The following SPOCK3 variants were observed in gnomAD, a reference collection of about 807,000 sequenced individuals.
SPOCK3 encodes testican-3.
In SPOCK3, 30 loss-of-function variants were observed where a neutral mutation model predicts 56.6. The ratio of observed to expected loss-of-function variants is 0.53; its 90% CI spans 0.40 to 0.72. SPOCK3 has a LOEUF of 0.72. Among genes scored for constraint, SPOCK3 ranks in the 30% least tolerant of loss-of-function variants. The probability of loss-of-function intolerance (pLI) is 0.00; values close to 1 mark genes in which losing one functional copy is unlikely to be tolerated. For synonymous variants in SPOCK3, 196 were observed against 183.3 expected, an observed-to-expected ratio of 1.07 and a Z score of -0.56; for missense variants, 527 against 530.0, an observed-to-expected ratio of 0.99 and a Z score of 0.06.
At chr4:166,738,169 C>A (rs1734413647) in intron 9 of SPOCK3, among the ~76,000 whole-genome samples, 1 of 152,006 alleles carries the variant, frequency 6.6e-6, no homozygotes, top group Admixed American at 6.6e-5. Flanking sequence ...TAAATGTGAC[C>A]CACAATTTAA....
At chr4:167,057,352 T>C (rs1334318175) in intron 3 of SPOCK3, among the ~76,000 whole-genome samples, 12 of 152,130 alleles carry the variant, frequency 7.9e-5, no homozygotes, top group Non-Finnish European at 5.9e-5. Flanking sequence ...GTAAAGACCA[T>C]CGAGGCTAGG....
At chr4:166,785,138 GT>G (rs1740598277) in intron 7 of SPOCK3, among the ~76,000 whole-genome samples, 1 of 152,008 alleles carries the variant, frequency 6.6e-6, no homozygotes, top group African/African-American at 2.4e-5. Context: ...AGGCTAAATA[GT>G]TGCATTTCCT....
At chr4:166,892,269 T>C (rs1427305481) in intron 5 of SPOCK3, among the ~76,000 whole-genome samples, 1 of 151,950 alleles carries the variant, frequency 6.6e-6, no homozygotes, top group Admixed American at 6.6e-5. Flanking sequence ...GATAAAATTA[T>C]AGCTTTGCAA....
intron 6 of SPOCK3, among the ~76,000 whole-genome samples, chr4:166,813,035 A>G (rs986748529): frequency 6.6e-6 from 1 of 152,078 alleles, no homozygotes; most frequent in African/African-American, 2.4e-5. Context: ...CACAAATACT[A>G]TAGTTATCAT....
intron 6 of SPOCK3, among the ~76,000 whole-genome samples, chr4:166,864,457 A>G (rs1256231223): frequency 6.6e-6 from 1 of 152,206 alleles, no homozygotes; most frequent in Non-Finnish European, 1.5e-5. Flanking sequence ...GGAGATAGAG[A>G]CACGAAAAAC....
In SPOCK3 at chr4:166,733,456, C is replaced by G. The variant is rs72695587; in HGVS notation, c.*1465G>C. On this transcript the variant is annotated 3_prime_UTR_variant, in exon 11 of 11. Transcript: ENST00000357545. Reference sequence around the variant, plus strand: ...AAAGAAAATGCATTATACTTTATTACGTAAAGTCAACATTAAATTTTGTAT... The same window carrying G: ...AAAGAAAATGCATTATACTTTATTAGGTAAAGTCAACATTAAATTTTGTAT... The G allele has an allele frequency of 6.6e-6, 1 of 151,592 alleles. No homozygotes were observed. Among genetic ancestry groups the G allele is most frequent in the African/African-American group, 2.4e-5 (1 of 41,340 alleles). The allele number at this position is 151,592 out of a possible 1,614,324, so 9.4% of individuals were successfully genotyped here. A position where few individuals can be genotyped will look rare whatever the true frequency, so the allele number is the denominator to read the frequency against.
intron 4 of SPOCK3, among the ~76,000 whole-genome samples, chr4:166,940,973 C>T (rs997637469): frequency 2.0e-5 from 3 of 151,170 alleles, no homozygotes; most frequent in Non-Finnish European, 4.4e-5. Context: ...GTCTATTCTG[C>T]ACCTAATTTT....
chr4:167,231,528 G>A (rs768628169), intron 2 of SPOCK3, among the ~76,000 whole-genome samples: 2 of 152,062 alleles, frequency 1.3e-5, no homozygotes, highest in South Asian at 4.1e-4. Context: ...GAATGCTCAT[G>A]CAGAACATTT....
chr4:166,789,597 A>C (rs1741118848), intron 7 of SPOCK3, among the ~76,000 whole-genome samples: 1 of 152,208 alleles, frequency 6.6e-6, no homozygotes, highest in Non-Finnish European at 1.5e-5. Context: ...TATTAAACAA[A>C]TGTGATAAAA....
intron 9 of SPOCK3, 59 bp downstream of exon 9, chr4:166,741,938 T>C: frequency 8.6e-7 from 1 of 1,164,990 alleles, no homozygotes; most frequent in Non-Finnish European, 1.3e-6. Context: ...TATGTTGCTG[T>C]TTCCCTGGGG....
At position 167,106,710 on chromosome 4, in the gene SPOCK3, G is replaced by GT. The variant is rs34725928; in HGVS notation, c.190-44174dup. ...CAAAGGATCAATGAAACAAAAAGTT[G>GT]TTTTTTTTTTTTGAAAAGATAAAAT... On this transcript the variant is annotated intron_variant, in intron 2 of 10. Transcript: ENST00000357545. Among the ~76,000 whole-genome samples the GT allele has an allele frequency of 2.8e-3, 396 of 140,586 alleles. 6 individuals carry two copies. The highest frequency in any genetic ancestry group is 0.014 in the Admixed American group (205 of 14,152). The allele number at this position is 140,586 out of a possible 152,430, so 92.2% of individuals were successfully genotyped here.
intron 2 of SPOCK3, among the ~76,000 whole-genome samples, chr4:167,107,468 G>A (rs1760264589): frequency 1.3e-5 from 2 of 151,656 alleles, no homozygotes; most frequent in Non-Finnish European, 3.0e-5. Flanking sequence ...ATAAAAACCT[G>A]CAAAAAATGG....
chr4:167,160,527 A>G (rs1043646060), intron 2 of SPOCK3, among the ~76,000 whole-genome samples: 5 of 152,092 alleles, frequency 3.3e-5, no homozygotes, highest in African/African-American at 1.2e-4. Flanking sequence ...TCTTCACAGA[A>G]TTGGAAAAAA....
chr4:166,842,048 C>T (rs1031249443), intron 6 of SPOCK3, among the ~76,000 whole-genome samples: 5 of 152,062 alleles, frequency 3.3e-5, no homozygotes, highest in African/African-American at 7.2e-5. Context: ...GCTCTTAAGG[C>T]GTTGCGTCGG....
At chr4:167,117,199 G>A (rs1010090883) in intron 2 of SPOCK3, among the ~76,000 whole-genome samples, 1 of 151,866 alleles carries the variant, frequency 6.6e-6, no homozygotes, top group African/African-American at 2.4e-5. Context: ...CCATAAATAT[G>A]TGAAACTATT....
intron 2 of SPOCK3, among the ~76,000 whole-genome samples, chr4:167,193,932 A>G (rs768417828): frequency 2.0e-5 from 3 of 152,152 alleles, no homozygotes; most frequent in Admixed American, 6.5e-5. Context: ...TGTTTCAGCC[A>G]TTGTTTAAAT....
At chr4:166,993,757 A>T (rs576672051) in intron 4 of SPOCK3, among the ~76,000 whole-genome samples, 2 of 152,310 alleles carry the variant, frequency 1.3e-5, no homozygotes, top group South Asian at 4.1e-4. Context: ...AAGCACTTCT[A>T]ACGTGCTATG....
At chr4:166,742,254 T>TATC (rs1238250179) in intron 8 of SPOCK3, among the ~76,000 whole-genome samples, 195 bp from the exon 9 acceptor site, 2 of 151,912 alleles carry the variant, frequency 1.3e-5, no homozygotes, top group African/African-American at 4.8e-5. Context: ...TCTATCTATC[T>TATC]ATCTATCTAT....
At chr4:166,742,970 A>G (rs1735055228) in intron 8 of SPOCK3, among the ~76,000 whole-genome samples, 1 of 152,160 alleles carries the variant, frequency 6.6e-6, no homozygotes, top group African/African-American at 2.4e-5. Flanking sequence ...AAAGTATATA[A>G]GAGGATGTGC....
Sources: gnomAD v4.1 joint callset for allele counts (sites outside exome capture counted in the v4.1 genomes callset) on GRCh38, gnomAD v4.1.1 for gene constraint, MANE v1.5 for transcripts, NCBI Gene and HGNC (gene_info 2026-07-23, HGNC 2026-07-21) for gene names.